Variants in GALK2 observed in about 807,000 individuals in gnomAD.
GALK2 encodes the protein N-acetylgalactosamine kinase.
In GALK2, 36 loss-of-function variants were observed where a neutral mutation model predicts 52.4. The ratio of observed to expected loss-of-function variants is 0.69; its 90% CI spans 0.53 to 0.91. The LOEUF (loss-of-function observed/expected upper bound fraction) is 0.91. Ranked by LOEUF, GALK2 falls within the 40% of genes least tolerant of loss-of-function variation. The pLI is 0.00. For missense variants in GALK2, 579 were observed against 559.1 expected (o/e 1.04, Z -0.36); for synonymous variants, 176 against 199.1 (o/e 0.88, Z 0.98).
At chr15:49,332,351 GGAAA>G (rs1388588954), downstream of GALK2, among the ~76,000 whole-genome samples, 1 of 152,208 alleles carries the variant, frequency 6.6e-6, no homozygotes, top group Non-Finnish European at 1.5e-5. Flanking sequence ...TAGAGACACA[GGAAA>G]GAAAGAGAGG....
intron 3 of GALK2, among the ~76,000 whole-genome samples, chr15:49,229,341 G>T (rs1211891913): frequency 6.6e-6 from 1 of 152,144 alleles, no homozygotes; most frequent in Non-Finnish European, 1.5e-5. Context: ...CTGGGTCCTT[G>T]GACCCCTGGG....
chr15:49,360,982 T>C (rs767268717), intron 3 of GALK2, among the ~76,000 whole-genome samples: 1 of 152,140 alleles, frequency 6.6e-6, no homozygotes, highest in Non-Finnish European at 1.5e-5. Flanking sequence ...TCTTGTGATT[T>C]AGGCAAATCA....
intron 3 of GALK2, among the ~76,000 whole-genome samples, chr15:49,221,446 A>C (rs914577276): frequency 4.0e-5 from 6 of 151,878 alleles, no homozygotes; most frequent in African/African-American, 1.5e-4. Flanking sequence ...CAGGCAGATC[A>C]CCTGAGGTCA....
exon 1 of GALK2, chr15:49,155,918 G>A (rs1425000812): frequency 1.3e-6 from 2 of 1,493,574 alleles, no homozygotes; most frequent in Admixed American, 3.4e-5. Context: ...TCCCTTGCTT[G>A]GGACTCTGGA....
At chr15:49,335,608 A>G (rs999913553), downstream of GALK2, 1 of 665,784 alleles carries the variant, frequency 1.5e-6, no homozygotes, top group East Asian at 2.6e-5. Flanking sequence ...TTCAGTAATG[A>G]AGAGTCTCAA....
At chr15:49,355,482 G>A (rs906759016) in intron 3 of GALK2, among the ~76,000 whole-genome samples, 1 of 152,166 alleles carries the variant, frequency 6.6e-6, no homozygotes, top group African/African-American at 2.4e-5. Flanking sequence ...CTGGAAGAAA[G>A]GGTATCAGCG....
At chr15:49,166,359 T>C (rs1402331305), upstream of GALK2, among the ~76,000 whole-genome samples, 1 of 152,172 alleles carries the variant, frequency 6.6e-6, no homozygotes, top group Non-Finnish European at 1.5e-5. Flanking sequence ...ATTTCTCTGA[T>C]TCATGAGTTT....
intron 3 of GALK2, among the ~76,000 whole-genome samples, chr15:49,363,680 G>A (rs904933183): frequency 1.3e-5 from 2 of 152,184 alleles, no homozygotes; most frequent in Admixed American, 1.3e-4. Context: ...AGTGTTGAGA[G>A]TGGGTATCCT....
chr15:49,287,944 T>G (rs903161965), intron 7 of GALK2, among the ~76,000 whole-genome samples: 3 of 98,670 alleles, frequency 3.0e-5, no homozygotes, highest in African/African-American at 1.1e-4. Context: ...ATCTTGTTTC[T>G]CTGTCTCTGT....
intron 3 of GALK2, among the ~76,000 whole-genome samples, chr15:49,359,009 T>C (rs1399998037): frequency 2.6e-5 from 4 of 151,860 alleles, no homozygotes; most frequent in Non-Finnish European, 5.9e-5. Context: ...ATTTAATAAA[T>C]GGTGCTGGGA....
chr15:49,175,972 T>C (rs2141194134), intron 1 of GALK2, among the ~76,000 whole-genome samples: 1 of 152,338 alleles, frequency 6.6e-6, no homozygotes, highest in Admixed American at 6.5e-5. Flanking sequence ...CAGGAATTGC[T>C]CACTCGGGGA....
intron 1 of GALK2, among the ~76,000 whole-genome samples, chr15:49,198,359 A>G (rs773111583): frequency 2.6e-5 from 4 of 152,204 alleles, no homozygotes; most frequent in Non-Finnish European, 5.9e-5. Context: ...CATAACTACC[A>G]TTTATTAAAC....
chr15:49,365,142 C>T, intron 3 of GALK2: 1 of 734,476 alleles, frequency 1.4e-6, no homozygotes, highest in Non-Finnish European at 2.5e-6. Flanking sequence ...ACAATCTGTT[C>T]ACCAGACATC....
rs1490384724 is a variant in GALK2, at chr15:49,329,972, T to C, written c.*1813T>C. On this transcript the variant is annotated 3_prime_UTR_variant, in exon 10 of 10. Coordinates refer to ENST00000560031, the MANE Select transcript of GALK2 (RefSeq NM_002044.4). ...CGAGGGATCTATTCTATATTTGTTT[T>C]GATTTCTCTCGATAAAAAGAACTAT... is the stretch of plus-strand genomic sequence containing the variant. The C allele has an allele frequency of 6.4e-6, 1 of 156,658 alleles. No individual in the cohort carries two copies. The highest frequency in any genetic ancestry group is 1.4e-5 in the Non-Finnish European group (1 of 72,176). The allele number at this position is 156,658 out of a possible 1,614,324, so 9.7% of individuals were successfully genotyped here.
At chr15:49,297,927 A>T (rs201082609) in intron 8 of GALK2, among the ~76,000 whole-genome samples, 1 of 133,426 alleles carries the variant, frequency 7.5e-6, no homozygotes, top group Non-Finnish European at 1.6e-5. Flanking sequence ...TGAATTTTTG[A>T]ATTTTTTTTT....
chr15:49,217,239 A>G lies in GALK2; in HGVS notation c.192A>G (p.Glu64=). 2 of 1,612,882 alleles carry G rather than the reference A, an allele frequency of 1.2e-6. No individual in the cohort carries two copies. The highest frequency in any genetic ancestry group is 8.5e-7 in the Non-Finnish European group (1 of 1,178,894). Residue 64 remains glutamate (E), a synonymous_variant, in exon 3 of 10, where the codon GAA becomes GAG. Coordinates refer to ENST00000560031, the MANE Select transcript of GALK2 (RefSeq NM_002044.4). ...ATTCTGTTCTTCCTATGGCTGTAGAACAAGATGTGCTAATAGCTGTAGAAC... is the reference window on the plus strand; with the variant it reads ...ATTCTGTTCTTCCTATGGCTGTAGAGCAAGATGTGCTAATAGCTGTAGAAC... The part of the protein sequence containing the change: ...CGYSVLPMAV[E]QDVLIAVEPV...
upstream of GALK2, chr15:49,169,262 T>A (rs1035897051): frequency 2.0e-5 from 3 of 152,166 alleles, no homozygotes; most frequent in African/African-American, 7.3e-5. Flanking sequence ...TGGCTCAAAC[T>A]TCCTTAATCA....
chr15:49,275,855 C>T (rs942191907), intron 5 of GALK2, among the ~76,000 whole-genome samples: 7 of 152,140 alleles, frequency 4.6e-5, no homozygotes, highest in Admixed American at 1.3e-4. Context: ...CATTTCTCCT[C>T]TTACCTGGAG....
chr15:49,237,066 T>C (rs2090850543), intron 4 of GALK2, among the ~76,000 whole-genome samples: 1 of 152,208 alleles, frequency 6.6e-6, no homozygotes, highest in East Asian at 1.9e-4. Context: ...TTACAGTATT[T>C]GGAAGCATTT....
Sources: gnomAD v4.1 joint callset for allele counts (sites outside exome capture counted in the v4.1 genomes callset) on GRCh38, gnomAD v4.1.1 for gene constraint, MANE v1.5 for transcripts, NCBI Gene and HGNC (gene_info 2026-07-23, HGNC 2026-07-21) for gene names.